MTHFD1L: variants seen among roughly 807,000 people sequenced by gnomAD.
MTHFD1L encodes the protein methylenetetrahydrofolate dehydrogenase (NADP+ dependent) 1 like.
MTHFD1L carries 81 observed loss-of-function variants against 119.5 expected under a neutral mutation model. The ratio of observed to expected loss-of-function variants is 0.68; its 90% CI spans 0.57 to 0.82. The LOEUF is 0.82. MTHFD1L is among the 40% of genes least tolerant of loss of function. The probability of loss-of-function intolerance (pLI) is 0.00; values close to 1 mark genes in which losing one functional copy is unlikely to be tolerated. For synonymous variants in MTHFD1L, 430 were observed against 475.2 expected, an observed-to-expected ratio of 0.90 and a Z score of 1.24; for missense variants, 1,125 against 1,253.4, an observed-to-expected ratio of 0.90 and a Z score of 1.55.
chr6:151,015,712 A>T lies in MTHFD1L; in HGVS notation c.2586+19A>T. 1 of 1,610,130 alleles carries T rather than the reference A, an allele frequency of 6.2e-7. No individual in the cohort carries two copies. ...TGTTCAGGTAAGATCTAGTAAAAAC[A>T]ATGGCTCACATTTCTTACACCTTAG... On this transcript the variant is annotated intron_variant, in intron 24 of 27. Coordinates refer to ENST00000367321, the MANE Select transcript of MTHFD1L (RefSeq NM_015440.5).
chr6:151,002,199 T>C (rs74821402), intron 20 of MTHFD1L, among the ~76,000 whole-genome samples: 9,640 of 152,270 alleles, frequency 0.063, 349 homozygotes, highest in South Asian at 0.11. Context: ...ATGAGGAGTA[T>C]GGAGCAGGGA....
At chr6:150,985,660 CAAAAAAAA>C (rs71014533) in intron 20 of MTHFD1L, among the ~76,000 whole-genome samples, 6 of 78,970 alleles carry the variant, frequency 7.6e-5, no homozygotes, top group African/African-American at 2.9e-4. Context: ...GACTCTGTCT[CAAAAAAAA>C]AAAAAAAAAA....
intron 24 of MTHFD1L, among the ~76,000 whole-genome samples, chr6:151,015,924 T>TA (rs1278791802): frequency 6.6e-6 from 1 of 152,048 alleles, no homozygotes; most frequent in Non-Finnish European, 1.5e-5. Context: ...CCATCTCTAC[T>TA]AAAAATACAA....
intron 20 of MTHFD1L, among the ~76,000 whole-genome samples, chr6:150,982,787 C>T (rs944242747): frequency 2.6e-5 from 4 of 151,964 alleles, no homozygotes; most frequent in Non-Finnish European, 5.9e-5. Context: ...GCAACCTCCA[C>T]CTCCCAGGTT....
chr6:150,904,522 G>A (rs1371838942), intron 7 of MTHFD1L, among the ~76,000 whole-genome samples: 2 of 152,040 alleles, frequency 1.3e-5, no homozygotes, highest in Non-Finnish European at 2.9e-5. Context: ...CACTCCTTTG[G>A]AATATTCAAT....
chr6:150,900,877 T>C (rs926210191), intron 7 of MTHFD1L, among the ~76,000 whole-genome samples: 1 of 151,238 alleles, frequency 6.6e-6, no homozygotes, highest in Non-Finnish European at 1.5e-5. Flanking sequence ...TAGCCGGGCA[T>C]GGTGGCAGGT....
intron 1 of MTHFD1L, among the ~76,000 whole-genome samples, chr6:150,869,599 C>T (rs1779052188): frequency 6.6e-6 from 1 of 152,094 alleles, no homozygotes; most frequent in South Asian, 2.1e-4. Flanking sequence ...TCAAGTGATC[C>T]TGCTGCCTCA....
intron 20 of MTHFD1L, among the ~76,000 whole-genome samples, chr6:150,999,556 G>A (rs1780308225): frequency 1.3e-5 from 2 of 152,080 alleles, no homozygotes; most frequent in East Asian, 3.9e-4. Context: ...TTTGGATAAT[G>A]GATTTATGAA....
chr6:150,951,100 A>G (rs1463310918), intron 16 of MTHFD1L, among the ~76,000 whole-genome samples: 2 of 147,132 alleles, frequency 1.4e-5, no homozygotes, highest in African/African-American at 5.0e-5. Context: ...GCAGTAGTGC[A>G]ATCTCCACTC....
intron 24 of MTHFD1L, 100 bp downstream of exon 24, chr6:151,015,793 T>C: frequency 7.2e-7 from 1 of 1,391,828 alleles, no homozygotes; most frequent in Non-Finnish European, 9.6e-7. Flanking sequence ...AAACTAAAGA[T>C]AGAAGAGTTT....
intron 20 of MTHFD1L, among the ~76,000 whole-genome samples, chr6:150,998,710 C>T (rs1221129290): frequency 2.0e-5 from 3 of 149,938 alleles, no homozygotes; most frequent in Non-Finnish European, 4.4e-5. Context: ...GGCACAGTGG[C>T]TCACACCTGT....
At chr6:150,944,217 T>C (rs548381850) in intron 13 of MTHFD1L, among the ~76,000 whole-genome samples, 135 of 152,292 alleles carry the variant, frequency 8.9e-4, no homozygotes, top group Non-Finnish European at 1.7e-3. Context: ...GAAGATGTCT[T>C]AGCCGAGCAC....
intron 11 of MTHFD1L, among the ~76,000 whole-genome samples, chr6:150,928,557 C>CTT (rs545794923): frequency 3.6e-4 from 50 of 138,348 alleles, no homozygotes; most frequent in African/African-American, 5.3e-4. Context: ...TGTAGCTTTT[C>CTT]TTTTTTTTTT....
At chr6:151,100,177 G>A (rs931647221) in intron 27 of MTHFD1L, among the ~76,000 whole-genome samples, 8 of 151,830 alleles carry the variant, frequency 5.3e-5, no homozygotes, top group Admixed American at 2.0e-4. Context: ...GGGACTACAG[G>A]CACCTGCCAC....
At chr6:150,925,145 G>T (rs1789715846) in intron 10 of MTHFD1L, among the ~76,000 whole-genome samples, 1 of 152,104 alleles carries the variant, frequency 6.6e-6, no homozygotes, top group African/African-American at 2.4e-5. Flanking sequence ...CCACTGAGGG[G>T]GTTGATCTGC....
Position 150,885,199 on chromosome 6 carries a change from GTT to G in MTHFD1L, c.543-421_543-420del, listed in dbSNP as rs34025381. Among the ~76,000 whole-genome samples, 248 of 135,058 alleles carry G rather than the reference GTT, an allele frequency of 1.8e-3. 1 individual carries two copies. The highest frequency in any genetic ancestry group is 7.4e-3 in the Middle Eastern group (2 of 270). The allele number at this position is 135,058 out of a possible 152,430, so 88.6% of individuals were successfully genotyped here. Reference sequence around the variant, plus strand: ...TTTCTCTTTAATTCATTTTTTATGGGTTTTTTTTTTTTTTTGAGATGGAGTCT... The same window carrying G: ...TTTCTCTTTAATTCATTTTTTATGGGTTTTTTTTTTTTTGAGATGGAGTCT... On this transcript the variant is annotated intron_variant, in intron 5 of 27. Coordinates refer to ENST00000367321, the MANE Select transcript of MTHFD1L (RefSeq NM_015440.5).
intron 7 of MTHFD1L, among the ~76,000 whole-genome samples, chr6:150,904,310 G>T (rs1379496083): frequency 3.3e-5 from 5 of 152,188 alleles, no homozygotes; most frequent in Admixed American, 3.3e-4. Context: ...TGACCCCAGA[G>T]ACTCTGTGGT....
chr6:150,948,071 A>C (rs1794280371), intron 15 of MTHFD1L, among the ~76,000 whole-genome samples: 1 of 151,320 alleles, frequency 6.6e-6, no homozygotes, highest in Non-Finnish European at 1.5e-5. Flanking sequence ...GCAATGGCGC[A>C]ATCTTGGCTC....
chr6:151,093,588 G>A (rs562025612), intron 27 of MTHFD1L, among the ~76,000 whole-genome samples: 100 of 152,214 alleles, frequency 6.6e-4, no homozygotes, highest in African/African-American at 2.2e-3. Context: ...CCCGGGAGGC[G>A]GAGGTTGCAG....
Sources: gnomAD v4.1 joint callset for allele counts (sites outside exome capture counted in the v4.1 genomes callset) on GRCh38, gnomAD v4.1.1 for gene constraint, MANE v1.5 for transcripts, NCBI Gene and HGNC (gene_info 2026-07-23, HGNC 2026-07-21) for gene names.